MGAT4C: variants seen among roughly 807,000 people sequenced by gnomAD.
The protein encoded by MGAT4C is MGAT4 family member C, also known as alpha-1,3-mannosyl-glycoprotein 4-beta-N-acetylglucosaminyltransferase C.
MGAT4C carries 19 observed loss-of-function variants against 40.1 expected under a neutral mutation model. The ratio of observed to expected loss-of-function variants is 0.47; its 90% CI spans 0.33 to 0.70. The LOEUF is 0.70. Ranked by LOEUF, MGAT4C falls within the 30% of genes least tolerant of loss-of-function variation. The pLI, the probability that MGAT4C is intolerant of heterozygous loss-of-function variation, is 0.02. For missense variants in MGAT4C, 491 were observed against 563.2 expected, an observed-to-expected ratio of 0.87 and a Z score of 1.30; for synonymous variants, 181 against 187.1, an observed-to-expected ratio of 0.97 and a Z score of 0.27.
intron 1 of MGAT4C, among the ~76,000 whole-genome samples, chr12:86,174,829 T>C (rs1352438549): frequency 6.6e-6 from 1 of 152,178 alleles, no homozygotes; most frequent in African/African-American, 2.4e-5. Flanking sequence ...CTCGTATTTA[T>C]ATTTTCTTCG....
At chr12:86,030,181 A>G (rs1392810330) in intron 2 of MGAT4C, among the ~76,000 whole-genome samples, 1 of 151,698 alleles carries the variant, frequency 6.6e-6, no homozygotes, top group Non-Finnish European at 1.5e-5. Context: ...TGTAGATACA[A>G]CTCTTAAGTG....
At chr12:86,399,747 T>C (rs1956323262) in intron 3 of MGAT4C, among the ~76,000 whole-genome samples, 1 of 152,150 alleles carries the variant, frequency 6.6e-6, no homozygotes, top group African/African-American at 2.4e-5. Flanking sequence ...AGGGAGAGTG[T>C]TGCACCCCAA....
chr12:86,093,079 C>G (rs1469032548), intron 1 of MGAT4C, among the ~76,000 whole-genome samples: 2 of 152,074 alleles, frequency 1.3e-5, no homozygotes, highest in African/African-American at 4.8e-5. Flanking sequence ...ACCCTCTTAA[C>G]CTCACTGAAA....
rs191848405 is a variant in MGAT4C at position 86,209,038 on chromosome 12, T to C, written c.-57+47201A>G. ...CAAATATGACACATTTCTCCAACAA[T>C]AACATTAGTATCAGTATGCATAAGA... On this transcript the variant is annotated intron_variant, in intron 1 of 4. Transcript: ENST00000611864. Among the ~76,000 whole-genome samples the C allele has an allele frequency of 2.4e-3, 366 of 152,258 alleles. 1 individual carries two copies. Among genetic ancestry groups the C allele is most frequent in the African/African-American group, 8.2e-3 (340 of 41,572 alleles).
intron 1 of MGAT4C, among the ~76,000 whole-genome samples, chr12:86,782,235 G>A (rs1360255252): frequency 8.1e-6 from 1 of 123,738 alleles, no homozygotes; most frequent in African/African-American, 3.0e-5. Context: ...AGGCTGGAGT[G>A]CAGTGGCGGG....
At chr12:86,568,236 G>C (rs984394900) in intron 2 of MGAT4C, among the ~76,000 whole-genome samples, 2 of 152,100 alleles carry the variant, frequency 1.3e-5, no homozygotes, top group Non-Finnish European at 1.5e-5. Flanking sequence ...TAAGCTGCCA[G>C]CTTGATTAGA....
In MGAT4C at chr12:85,956,005, A is replaced by G. The variant is rs1293512983; in HGVS notation, c.*23284T>C. 2.6e-5 allele frequency: 4 copies of G among 152,228 alleles called. No individual in the cohort carries two copies. The highest frequency in any genetic ancestry group is 5.9e-5 in the Non-Finnish European group (4 of 68,016). 9.4% of individuals were successfully genotyped at this position (152,228 alleles called of 1,614,324 possible). ...TTGATGAAATTAAGTCCATGAATAC[A>G]TATAGTAAAATGTAGAGGTTTTCAA... On this transcript the variant is annotated 3_prime_UTR_variant, in exon 5 of 5. Coordinates refer to ENST00000611864, the MANE Select transcript of MGAT4C (RefSeq NM_001351288.2).
chr12:86,666,061 G>A (rs1275730428), intron 2 of MGAT4C, among the ~76,000 whole-genome samples: 1 of 152,112 alleles, frequency 6.6e-6, no homozygotes, highest in Non-Finnish European at 1.5e-5. Context: ...CAATGAAACT[G>A]GAAAAGTAGT....
intron 2 of MGAT4C, among the ~76,000 whole-genome samples, chr12:86,036,802 C>A (rs758919195): frequency 2.5e-4 from 37 of 149,806 alleles, no homozygotes; most frequent in Non-Finnish European, 4.0e-4. Flanking sequence ...ATGACCCTGG[C>A]CTCATAAAAT....
chr12:86,052,299 T>C (rs983043036), intron 1 of MGAT4C, among the ~76,000 whole-genome samples: 3 of 151,724 alleles, frequency 2.0e-5, no homozygotes, highest in Admixed American at 6.6e-5. Flanking sequence ...CCAAGCCTTC[T>C]ACAGAGATAG....
intron 1 of MGAT4C, among the ~76,000 whole-genome samples, chr12:86,160,542 G>A (rs1389593901): frequency 6.6e-6 from 1 of 152,004 alleles, no homozygotes; most frequent in Non-Finnish European, 1.5e-5. Context: ...AGAAGAATGA[G>A]TATTCTGTGG....
intron 1 of MGAT4C, among the ~76,000 whole-genome samples, chr12:86,251,841 C>T (rs184436793): frequency 2.0e-3 from 307 of 152,080 alleles, no homozygotes; most frequent in Non-Finnish European, 3.7e-3. Context: ...TGCTCAGTTC[C>T]ATGCCACTGA....
At chr12:86,150,016 T>G (rs1593077574) in intron 1 of MGAT4C, among the ~76,000 whole-genome samples, 1 of 152,178 alleles carries the variant, frequency 6.6e-6, no homozygotes, top group Non-Finnish European at 1.5e-5. Flanking sequence ...ACCGGTTTCA[T>G]GGGAGACAAT....
chr12:86,670,960 A>AT (rs1407834890), intron 2 of MGAT4C, among the ~76,000 whole-genome samples: 2 of 152,140 alleles, frequency 1.3e-5, no homozygotes, highest in African/African-American at 2.4e-5. Context: ...ATACCATTCT[A>AT]TTTTTTTGTC....
At chr12:86,629,261 T>A (rs1444755206) in intron 2 of MGAT4C, among the ~76,000 whole-genome samples, 1 of 152,162 alleles carries the variant, frequency 6.6e-6, no homozygotes, top group African/African-American at 2.4e-5. Context: ...AAGCAGTCCT[T>A]AGAGACCTGC....
At chr12:86,586,085 A>C (rs1593013495) in intron 2 of MGAT4C, among the ~76,000 whole-genome samples, 3 of 138,626 alleles carry the variant, frequency 2.2e-5, no homozygotes, top group Admixed American at 1.4e-4. Context: ...TATCTCCTAA[A>C]GCTATCCCTC....
chr12:86,715,310 A>G (rs1402560310), intron 2 of MGAT4C, among the ~76,000 whole-genome samples: 3 of 152,130 alleles, frequency 2.0e-5, no homozygotes, highest in Admixed American at 2.0e-4. Flanking sequence ...AAGCATGCTA[A>G]TTTGTACACT....
intron 2 of MGAT4C, among the ~76,000 whole-genome samples, chr12:86,493,745 T>C (rs1387453046): frequency 6.6e-6 from 1 of 151,932 alleles, no homozygotes; most frequent in African/African-American, 2.4e-5. Context: ...CATGTATACA[T>C]ATGTAACTAA....
intron 1 of MGAT4C, among the ~76,000 whole-genome samples, chr12:86,793,185 A>G (rs940923084): frequency 1.3e-5 from 2 of 152,122 alleles, no homozygotes; most frequent in Non-Finnish European, 2.9e-5. Context: ...TTATTTTAAG[A>G]TAATTATGCA....
Sources: gnomAD v4.1 joint callset for allele counts (sites outside exome capture counted in the v4.1 genomes callset) on GRCh38, gnomAD v4.1.1 for gene constraint, MANE v1.5 for transcripts, NCBI Gene and HGNC (gene_info 2026-07-23, HGNC 2026-07-21) for gene names.